The following ZNF717 variants were observed in gnomAD, a reference collection of about 807,000 sequenced individuals.
ZNF717 encodes the protein zinc finger protein 717.
A neutral mutation model predicts 13.8 loss-of-function variants in ZNF717; 9 were observed. The observed-to-expected ratio is 0.65, with a 90% CI of 0.39 to 1.14. The LOEUF (loss-of-function observed/expected upper bound fraction) is 1.14, where lower values mean the gene tolerates loss of function less well. Among genes scored for constraint, ZNF717 ranks in the 50% most tolerant of loss-of-function variants. The probability of loss-of-function intolerance (pLI) is 0.01; values close to 1 mark genes in which losing one functional copy is unlikely to be tolerated. For missense variants in ZNF717, 1,040 were observed against 1,080.7 expected (o/e 0.96, Z 0.53); for synonymous variants, 327 against 364.1 (o/e 0.90, Z 1.16).
At chr3:75,748,728 C>A (rs1384234311) in intron 2 of ZNF717, among the ~76,000 whole-genome samples, 6 of 152,276 alleles carry the variant, frequency 3.9e-5, no homozygotes, top group African/African-American at 1.4e-4. Context: ...AACGCACAGC[C>A]AATATCATAC....
At chr3:75,757,474 A>G (rs1170380468) in intron 2 of ZNF717, among the ~76,000 whole-genome samples, 4 of 152,246 alleles carry the variant, frequency 2.6e-5, no homozygotes, top group Non-Finnish European at 5.9e-5. Context: ...TCTTAAGCCC[A>G]CTGTTGACAC....
At chr3:75,716,573 AAAC>A (rs1446675878) in intron 4 of ZNF717, 1 of 152,230 alleles carries the variant, frequency 6.6e-6, no homozygotes, top group Non-Finnish European at 1.5e-5. Flanking sequence ...AGGCAGGAAA[AAAC>A]AAGCTGTGAA....
intron 1 of ZNF717, 33 bp downstream of exon 1, chr3:75,785,351 C>G (rs796340577): frequency 1.3e-5 from 2 of 153,798 alleles, no homozygotes; most frequent in African/African-American, 2.4e-5. Flanking sequence ...CACGCCTGTC[C>G]TCCCAGCCCC....
In ZNF717 at chr3:75,758,369, G is replaced by A. The variant is rs573774910; in HGVS notation, c.58-16633C>T. Among the ~76,000 whole-genome samples the A allele has an allele frequency of 1.5e-4, 23 of 152,242 alleles. No homozygotes were observed. The East Asian group carries it at 3.5e-3, about 23-fold the overall frequency. On this transcript the variant is annotated intron_variant, in intron 2 of 4. Transcript: ENST00000652011. ...TAGTTTCTTGAGATGAAATCTACTC[G>A]TGGTGAAGACAGTGTAAACACTGTT...
rs1359058172 is a variant in ZNF717, at chr3:75,746,486, A to G, written c.58-4750T>C. ...TCTTCCACAATGGTTGAACTACTTT[A>G]CAATCCCACTAACAGTGTAAAAGTG... On this transcript the variant is annotated intron_variant, in intron 2 of 4. Coordinates refer to ENST00000652011, the MANE Select transcript of ZNF717 (RefSeq NM_001290208.3). 1.2e-4 allele frequency among the ~76,000 whole-genome samples: 18 copies of G among 152,172 alleles called. 2 individuals are homozygous for G. The highest frequency in any genetic ancestry group is 1.1e-3 in the Admixed American group (17 of 15,272).
At chr3:75,771,483 C>T (rs1212358170) in intron 2 of ZNF717, among the ~76,000 whole-genome samples, 1 of 152,232 alleles carries the variant, frequency 6.6e-6, no homozygotes. Flanking sequence ...GAAGTGGGAT[C>T]TGCCAGAGCA....
At chr3:75,695,796 GC>G (rs1381025652) in intron 6 of ZNF717, among the ~76,000 whole-genome samples, 125 of 152,220 alleles carry the variant, frequency 8.2e-4, no homozygotes, top group African/African-American at 2.7e-3. Flanking sequence ...AAACAGCATA[GC>G]AAAACCTATG....
At chr3:75,745,388 C>T (rs1941045914) in intron 2 of ZNF717, among the ~76,000 whole-genome samples, 1 of 151,858 alleles carries the variant, frequency 6.6e-6, no homozygotes, top group South Asian at 2.1e-4. Flanking sequence ...TTCTGGAACT[C>T]TATGTGAGGG....
downstream of ZNF717, among the ~76,000 whole-genome samples, chr3:75,729,414 G>A (rs75169716): frequency 2.1e-4 from 32 of 152,310 alleles, no homozygotes; most frequent in African/African-American, 6.7e-4. Flanking sequence ...TCAGGAGTTC[G>A]AGACCAGCCT....
At position 75,738,433 on chromosome 3, in the gene ZNF717, C is replaced by T; in HGVS notation, c.1190G>A (p.Cys397Tyr). 6 of 1,501,148 alleles carry T rather than the reference C, an allele frequency of 4.0e-6. No individual in the cohort carries two copies. Among genetic ancestry groups the T allele is most frequent in the Non-Finnish European group, 5.4e-6 (6 of 1,105,782 alleles). The allele number at this position is 1,501,148 out of a possible 1,614,324, so 93.0% of individuals were successfully genotyped here. The change falls in exon 5 of 5, where the codon TGT (cysteine) becomes TAT (tyrosine). Residue 397 changes from cysteine (C) to tyrosine (Y), a missense_variant. By Grantham distance (194) the Cys-to-Tyr change is radical. Around this residue, in one of 3 missense-constraint regions of ZNF717, gnomAD observed 873 missense variants for 832.8 expected, o/e 1.05. Transcript: ENST00000652011. The stretch of plus-strand genomic sequence containing the variant: ...GCTAAAGGTTTTTCCACATTCACTA[C>T]ACTGATAGGGCTTTTCCCCTGAGTG... ...RTHSGEKPYQCSECGKTFSQK... is the reference protein window; with the variant it reads ...RTHSGEKPYQYSECGKTFSQK...
At chr3:75,775,791 G>A (rs1290244207) in intron 2 of ZNF717, among the ~76,000 whole-genome samples, 1 of 150,846 alleles carries the variant, frequency 6.6e-6, no homozygotes, top group African/African-American at 2.5e-5. Flanking sequence ...GGCAGAGGTT[G>A]CAGTGAGCCA....
At chr3:75,708,205 G>C (rs1937844356), downstream of ZNF717, among the ~76,000 whole-genome samples, 1 of 152,288 alleles carries the variant, frequency 6.6e-6, no homozygotes. Context: ...CCCCCCAGTA[G>C]GGGCAGACTG....
intron 2 of ZNF717, among the ~76,000 whole-genome samples, chr3:75,774,620 T>G (rs1486450195): frequency 1.1e-4 from 15 of 137,976 alleles, no homozygotes; most frequent in African/African-American, 3.9e-4. Context: ...GTTTTTTTTT[T>G]TTTTTTTTTT....
intron 6 of ZNF717, among the ~76,000 whole-genome samples, chr3:75,703,993 G>T (rs1937749413): frequency 6.6e-6 from 1 of 152,306 alleles, no homozygotes; most frequent in Admixed American, 6.5e-5. Flanking sequence ...ATGTATAAAT[G>T]TCCTAGGAGT....
chr3:75,757,238 G>A (rs1467241084), intron 2 of ZNF717, among the ~76,000 whole-genome samples: 2 of 152,212 alleles, frequency 1.3e-5, no homozygotes, highest in Non-Finnish European at 2.9e-5. Context: ...GATATTCCCA[G>A]CTAGGGAGGA....
chr3:75,746,099 G>A (rs146238080), intron 2 of ZNF717, among the ~76,000 whole-genome samples: 7 of 151,852 alleles, frequency 4.6e-5, no homozygotes, highest in Admixed American at 1.3e-4. Flanking sequence ...GTTCAATTCC[G>A]ACCTATGAGT....
At chr3:75,745,676 T>A (rs1240960893) in intron 2 of ZNF717, among the ~76,000 whole-genome samples, 2 of 152,070 alleles carry the variant, frequency 1.3e-5, no homozygotes, top group African/African-American at 4.8e-5. Context: ...CTCTATGAGA[T>A]CAACTTTTTT....
chr3:75,768,980 G>T (rs1943705208), intron 2 of ZNF717, among the ~76,000 whole-genome samples: 1 of 152,222 alleles, frequency 6.6e-6, no homozygotes, highest in Non-Finnish European at 1.5e-5. Flanking sequence ...CCATTCTGGG[G>T]CTCTTGAGAG....
At chr3:75,777,523 C>A (rs150673321) in intron 2 of ZNF717, among the ~76,000 whole-genome samples, 1 of 150,564 alleles carries the variant, frequency 6.6e-6, no homozygotes, top group African/African-American at 2.4e-5. Context: ...AACTGGAACC[C>A]AAAACAATGG....
Sources: gnomAD v4.1 joint callset for allele counts (sites outside exome capture counted in the v4.1 genomes callset) on GRCh38, gnomAD v4.1.1 for gene constraint, gnomAD v4.1.1 regional missense constraint, MANE v1.5 for transcripts, NCBI Gene and HGNC (gene_info 2026-07-23, HGNC 2026-07-21) for gene names.